MARCHF11: variants seen among roughly 807,000 people sequenced by gnomAD.
MARCHF11 encodes E3 ubiquitin-protein ligase MARCHF11.
Under a neutral mutation model 37.3 loss-of-function variants are expected in MARCHF11, and 29 were observed. The ratio of observed to expected loss-of-function variants is 0.78; its 90% CI spans 0.58 to 1.06. The LOEUF (loss-of-function observed/expected upper bound fraction) is 1.06, where lower values mean the gene tolerates loss of function less well. Ranked by LOEUF, MARCHF11 falls within the 50% of genes least tolerant of loss-of-function variation. The pLI, the probability that MARCHF11 is intolerant of heterozygous loss-of-function variation, is 0.00. For missense variants in MARCHF11, 482 were observed against 533.4 expected, an observed-to-expected ratio of 0.90 and a Z score of 0.95; for synonymous variants, 233 against 228.0, an observed-to-expected ratio of 1.02 and a Z score of -0.20.
intron 2 of MARCHF11, among the ~76,000 whole-genome samples, chr5:16,177,510 G>A (rs1236485375): frequency 6.6e-6 from 1 of 152,102 alleles, no homozygotes; most frequent in African/African-American, 2.4e-5. Context: ...AATTAATAAA[G>A]GAAACCATTC....
At chr5:16,072,240 C>T (rs866622426) in intron 3 of MARCHF11, among the ~76,000 whole-genome samples, 1 of 152,184 alleles carries the variant, frequency 6.6e-6, no homozygotes, top group Non-Finnish European at 1.5e-5. Flanking sequence ...ACCTTGAGTA[C>T]TACAGTCCCA....
At position 16,110,699 on chromosome 5, in the gene MARCHF11, C is replaced by A. The variant is rs922154818; in HGVS notation, c.694-19618G>T. Among the ~76,000 whole-genome samples, 3 of 152,172 alleles carry A rather than the reference C, an allele frequency of 2.0e-5. No individual in the cohort carries two copies. The South Asian group carries it at 6.2e-4, about 32-fold the overall frequency. On this transcript the variant is annotated intron_variant, in intron 2 of 3. Transcript: ENST00000332432. ...GTCTTTACATTATCATTATTGATAG[C>A]AGATTCAGACAATAGTGTGGATTTA... is the stretch of plus-strand genomic sequence containing the variant.
chr5:16,169,002 T>C (rs1420217114), intron 2 of MARCHF11, among the ~76,000 whole-genome samples: 3 of 151,836 alleles, frequency 2.0e-5, no homozygotes, highest in South Asian at 4.2e-4. Flanking sequence ...GGAAGATTGG[T>C]TAGTAAGAAT....
chr5:16,070,991 T>C (rs1241790273), intron 3 of MARCHF11, among the ~76,000 whole-genome samples: 1 of 152,128 alleles, frequency 6.6e-6, no homozygotes, highest in Non-Finnish European at 1.5e-5. Flanking sequence ...GGCGAACACC[T>C]TTTGTGCTAG....
intron 1 of MARCHF11, among the ~76,000 whole-genome samples, chr5:16,178,825 AT>A (rs1464604933): frequency 6.6e-6 from 1 of 152,016 alleles, no homozygotes; most frequent in Non-Finnish European, 1.5e-5. Flanking sequence ...TGTAGATGAA[AT>A]TAAACCCAGT....
intron 2 of MARCHF11, among the ~76,000 whole-genome samples, chr5:16,124,554 A>G (rs1476439252): frequency 6.6e-6 from 1 of 152,192 alleles, no homozygotes; most frequent in African/African-American, 2.4e-5. Flanking sequence ...CAGAACCATC[A>G]GTCAGGATGC....
intron 3 of MARCHF11, among the ~76,000 whole-genome samples, chr5:16,083,165 T>C (rs562333502): frequency 6.6e-6 from 1 of 152,318 alleles, no homozygotes; most frequent in African/African-American, 2.4e-5. Context: ...TGCACGGGGC[T>C]GTTGGTGGTT....
At chr5:16,171,159 G>A (rs985443447) in intron 2 of MARCHF11, among the ~76,000 whole-genome samples, 2 of 151,770 alleles carry the variant, frequency 1.3e-5, no homozygotes, top group African/African-American at 2.4e-5. Flanking sequence ...CATTGTGCAG[G>A]TTAGTTACAT....
In MARCHF11 at chr5:16,149,309, T is replaced by C. The variant is rs1384897806; in HGVS notation, c.693+28417A>G. Among the ~76,000 whole-genome samples the C allele has an allele frequency of 8.5e-5, 13 of 152,072 alleles. 1 individual carries two copies. The highest frequency in any genetic ancestry group is 8.5e-4 in the Admixed American group (13 of 15,248). On this transcript the variant is annotated intron_variant, in intron 2 of 3. Transcript: ENST00000332432. ...AATGAAGAGGAAGGGGAATGGAAAG[T>C]TGAGATGAGAAGGGAATCCTTTTAC...
At chr5:16,086,980 T>A (rs900123268) in intron 3 of MARCHF11, among the ~76,000 whole-genome samples, 6 of 152,214 alleles carry the variant, frequency 3.9e-5, no homozygotes, top group Non-Finnish European at 8.8e-5. Context: ...TGTGCAAATC[T>A]TTTTTAGTGG....
At chr5:16,111,111 G>A (rs371233449) in intron 2 of MARCHF11, among the ~76,000 whole-genome samples, 1 of 152,124 alleles carries the variant, frequency 6.6e-6, no homozygotes, top group Admixed American at 6.5e-5. Context: ...CCCATCTTGG[G>A]TTTGTCTTTA....
intron 2 of MARCHF11, among the ~76,000 whole-genome samples, chr5:16,162,628 A>G (rs1738100357): frequency 6.6e-6 from 1 of 151,690 alleles, no homozygotes; most frequent in African/African-American, 2.4e-5. Context: ...TTCTACTTAT[A>G]TATTATCAGT....
chr5:16,135,879 T>TAAA lies in MARCHF11; in HGVS notation c.693+41846_693+41847insTTT, dbSNP rs200868869. ...CGGGAAGGGAGGAAGTGAAAGAGAT[T>TAAA]TAAAAAAAAAAAAAAAAAAGAAGGA... is the stretch of plus-strand genomic sequence containing the variant. On this transcript the variant is annotated intron_variant, in intron 2 of 3. Transcript: ENST00000332432. 2.0e-3 allele frequency among the ~76,000 whole-genome samples: 225 copies of TAAA among 112,644 alleles called. 1 individual carries two copies. The highest frequency in any genetic ancestry group is 2.6e-3 in the South Asian group (9 of 3,416). The allele number at this position is 112,644 out of a possible 152,430, so 73.9% of individuals were successfully genotyped here. A position where few individuals can be genotyped will look rare whatever the true frequency, so the allele number is the denominator to read the frequency against.
At chr5:16,129,002 C>T (rs2126582632) in intron 2 of MARCHF11, among the ~76,000 whole-genome samples, 1 of 152,256 alleles carries the variant, frequency 6.6e-6, no homozygotes, top group East Asian at 1.9e-4. Context: ...TGGCCACATC[C>T]TTTTCAACAT....
At chr5:16,130,352 G>T (rs756326338) in intron 2 of MARCHF11, among the ~76,000 whole-genome samples, 1 of 151,612 alleles carries the variant, frequency 6.6e-6, no homozygotes, top group African/African-American at 2.4e-5. Flanking sequence ...TGAGCACTTC[G>T]ATAAGATTCA....
intron 2 of MARCHF11, chr5:16,141,612 AAC>A (rs1438740164): frequency 6.6e-6 from 1 of 152,202 alleles, no homozygotes; most frequent in East Asian, 1.9e-4. Flanking sequence ...ATGTGAGAGA[AAC>A]ACAGCCATTA....
intron 2 of MARCHF11, among the ~76,000 whole-genome samples, chr5:16,132,365 C>A (rs542572441): frequency 1.3e-5 from 2 of 152,120 alleles, no homozygotes; most frequent in Non-Finnish European, 2.9e-5. Context: ...AGTACCTGTG[C>A]CAGGGTTCCA....
chr5:16,067,962 T>C (rs950715969), intron 3 of MARCHF11, among the ~76,000 whole-genome samples, 169 bp from the exon 4 acceptor site: 3 of 152,194 alleles, frequency 2.0e-5, no homozygotes, highest in African/African-American at 7.2e-5. Context: ...TTACTACCCA[T>C]ATGACACAGA....
At chr5:16,143,222 T>C (rs1737747143) in intron 2 of MARCHF11, among the ~76,000 whole-genome samples, 1 of 152,158 alleles carries the variant, frequency 6.6e-6, no homozygotes, top group South Asian at 2.1e-4. Flanking sequence ...TTCTGACTCC[T>C]AAAATAGCCT....
Sources: allele counts gnomAD v4.1 joint callset (sites outside exome capture counted in the v4.1 genomes callset), GRCh38; gene constraint gnomAD v4.1.1; transcripts MANE v1.5; gene names NCBI Gene and HGNC (gene_info 2026-07-23, HGNC 2026-07-21).